The following MACROD2 variants were observed in gnomAD, a reference collection of about 807,000 sequenced individuals.
MACROD2 encodes ADP-ribose glycohydrolase MACROD2.
A neutral mutation model predicts 70.4 loss-of-function variants in MACROD2; 36 were observed. The ratio of observed to expected loss-of-function variants is 0.51; its 90% CI spans 0.39 to 0.68. MACROD2 has a LOEUF of 0.68. MACROD2 is among the 30% of genes least tolerant of loss of function. MACROD2 has a pLI of 0.00. For synonymous variants in MACROD2, 172 were observed against 178.8 expected, an observed-to-expected ratio of 0.96 and a Z score of 0.30; for missense variants, 496 against 538.4, an observed-to-expected ratio of 0.92 and a Z score of 0.78.
chr20:14,150,636 T>C (rs2055006215), intron 3 of MACROD2, among the ~76,000 whole-genome samples: 1 of 152,238 alleles, frequency 6.6e-6, no homozygotes. Context: ...TTCTTTTTTC[T>C]TTCTGAATTT....
At chr20:15,561,692 T>G (rs1442425813) in intron 8 of MACROD2, among the ~76,000 whole-genome samples, 3 of 152,148 alleles carry the variant, frequency 2.0e-5, no homozygotes, top group Admixed American at 2.0e-4. Context: ...TGCCTTTGGC[T>G]TTTGTTATTT....
chr20:15,403,396 T>TAGAG (rs147714991), intron 6 of MACROD2, among the ~76,000 whole-genome samples: 23 of 149,366 alleles, frequency 1.5e-4, no homozygotes, highest in African/African-American at 5.1e-4. Context: ...GTGTGTTTGT[T>TAGAG]AGAGAGAGAG....
intron 4 of MACROD2, among the ~76,000 whole-genome samples, chr20:14,665,840 T>A (rs954931451): frequency 6.6e-6 from 1 of 152,138 alleles, no homozygotes; most frequent in African/African-American, 2.4e-5. Context: ...TCCATTTACA[T>A]TCTCCCTGGA....
At position 15,756,522 on chromosome 20, in the gene MACROD2, C is replaced by T. The variant is rs145673189; in HGVS notation, c.646-106223C>T. Among the ~76,000 whole-genome samples the T allele has an allele frequency of 2.2e-4, 33 of 152,118 alleles. No individual in the cohort carries two copies. In the East Asian group the frequency reaches 6.4e-3, roughly 30 times the overall value. On this transcript the variant is annotated intron_variant, in intron 8 of 17. Transcript: ENST00000684519. Reference sequence around the variant, plus strand: ...AGCATCTAGAGCCACACAAGTGTACCTCTTTAAAAGGTTTGCTGTAATTAG... The same window carrying T: ...AGCATCTAGAGCCACACAAGTGTACTTCTTTAAAAGGTTTGCTGTAATTAG...
intron 8 of MACROD2, among the ~76,000 whole-genome samples, chr20:15,522,806 G>A (rs2047670410): frequency 6.6e-6 from 1 of 152,156 alleles, no homozygotes; most frequent in South Asian, 2.1e-4. Context: ...ACAGCAATGG[G>A]TATGGCAAGG....
chr20:14,611,035 T>A (rs1423469179), intron 4 of MACROD2, among the ~76,000 whole-genome samples: 2 of 152,136 alleles, frequency 1.3e-5, no homozygotes, highest in Admixed American at 1.3e-4. Context: ...CAAATACTTG[T>A]TTTCAGTACT....
At chr20:14,853,521 ATG>A (rs1288358136) in intron 5 of MACROD2, among the ~76,000 whole-genome samples, 2 of 151,632 alleles carry the variant, frequency 1.3e-5, no homozygotes, top group Non-Finnish European at 2.9e-5. Context: ...GAGAAAAAAA[ATG>A]AAGAAAGGCA....
intron 12 of MACROD2, among the ~76,000 whole-genome samples, chr20:15,944,194 G>A (rs536438706): frequency 6.6e-6 from 1 of 151,972 alleles, no homozygotes; most frequent in Admixed American, 6.5e-5. Context: ...ACAAATTCCT[G>A]GATTTTATTG....
intron 5 of MACROD2, among the ~76,000 whole-genome samples, chr20:14,731,402 A>T (rs1206275859): frequency 1.3e-5 from 2 of 152,188 alleles, no homozygotes; most frequent in Non-Finnish European, 2.9e-5. Flanking sequence ...GATCTCTTAG[A>T]AGACCAGGAA....
chr20:14,760,073 C>G (rs959807821), intron 5 of MACROD2, among the ~76,000 whole-genome samples: 4 of 151,938 alleles, frequency 2.6e-5, no homozygotes, highest in Non-Finnish European at 5.9e-5. Flanking sequence ...TGAGGTGGCT[C>G]TAAATGAGCC....
intron 5 of MACROD2, among the ~76,000 whole-genome samples, chr20:14,910,760 C>T (rs550859488): frequency 1.3e-5 from 2 of 152,154 alleles, no homozygotes; most frequent in Non-Finnish European, 2.9e-5. Flanking sequence ...CCTTTCCTTT[C>T]TGCTTTCCTG....
intron 6 of MACROD2, among the ~76,000 whole-genome samples, chr20:15,269,122 A>G (rs2077323165): frequency 6.6e-6 from 1 of 152,230 alleles, no homozygotes; most frequent in African/African-American, 2.4e-5. Flanking sequence ...AAATGATTTC[A>G]TTGGATTATA....
intron 5 of MACROD2, among the ~76,000 whole-genome samples, chr20:15,102,329 C>T (rs1199045545): frequency 1.3e-5 from 2 of 152,032 alleles, no homozygotes; most frequent in South Asian, 2.1e-4. Context: ...GAGGGACTCT[C>T]ATGTCCCTGG....
intron 11 of MACROD2, among the ~76,000 whole-genome samples, chr20:15,933,618 T>C (rs546187728): frequency 2.6e-5 from 4 of 152,300 alleles, no homozygotes; most frequent in Admixed American, 2.0e-4. Flanking sequence ...AGGTTGAAAG[T>C]GCCAAGGCAG....
intron 15 of MACROD2, among the ~76,000 whole-genome samples, chr20:15,991,468 C>T (rs1233044947): frequency 6.6e-6 from 1 of 152,184 alleles, no homozygotes; most frequent in Non-Finnish European, 1.5e-5. Flanking sequence ...TTGCCATACA[C>T]AGAATACCTG....
intron 7 of MACROD2, among the ~76,000 whole-genome samples, chr20:15,457,499 G>A (rs1382251541): frequency 6.6e-6 from 1 of 152,046 alleles, no homozygotes; most frequent in African/African-American, 2.4e-5. Flanking sequence ...TAAGGCAACT[G>A]GATTTGCCTG....
rs1276335048 is a variant in MACROD2, at chr20:14,749,433, G to A, written c.418+64474G>A. Among the ~76,000 whole-genome samples, 3 of 151,866 alleles carry A rather than the reference G, an allele frequency of 2.0e-5. No individual in the cohort carries two copies. In the East Asian group the frequency reaches 5.8e-4, roughly 29 times the overall value. On this transcript the variant is annotated intron_variant, in intron 5 of 17. Transcript: ENST00000684519. ...AAGTAAAGGAAGGAAAAAAAGAAAA[G>A]GAAGGAAGGAAGGAAGGATCTCTAA...
At chr20:14,824,222 G>T (rs2072877743) in intron 5 of MACROD2, among the ~76,000 whole-genome samples, 2 of 152,156 alleles carry the variant, frequency 1.3e-5, no homozygotes, top group African/African-American at 4.8e-5. Flanking sequence ...AAATTCCAAA[G>T]TTCTCAGAAA....
In MACROD2 at chr20:14,159,660, C is replaced by T. The variant is rs969145557; in HGVS notation, c.271+73932C>T. Among the ~76,000 whole-genome samples, 8 of 152,106 alleles carry T rather than the reference C, an allele frequency of 5.3e-5. No individual in the cohort carries two copies. In the East Asian group the frequency reaches 1.5e-3, roughly 29 times the overall value. ...AGTTTTTCTAGATATAAGATTATATCATAGGCAGAGAGGGGCAGTTTGACT... is the reference window on the plus strand; with the variant it reads ...AGTTTTTCTAGATATAAGATTATATTATAGGCAGAGAGGGGCAGTTTGACT... On this transcript the variant is annotated intron_variant, in intron 3 of 17. Transcript: ENST00000684519.
Sources: gnomAD v4.1 joint callset for allele counts (sites outside exome capture counted in the v4.1 genomes callset) on GRCh38, gnomAD v4.1.1 for gene constraint, MANE v1.5 for transcripts, NCBI Gene and HGNC (gene_info 2026-07-23, HGNC 2026-07-21) for gene names.